CD4: variants seen among roughly 807,000 people sequenced by gnomAD.
The protein encoded by CD4 is CD4 molecule, also known as T-cell surface glycoprotein CD4.
A neutral mutation model predicts 50.5 loss-of-function variants in CD4; 25 were observed. The ratio of observed to expected loss-of-function variants is 0.49; its 90% CI spans 0.36 to 0.69. The LOEUF (loss-of-function observed/expected upper bound fraction) is 0.69. Among genes scored for constraint, CD4 ranks in the 30% least tolerant of loss-of-function variants. The probability of loss-of-function intolerance (pLI) is 0.00; values close to 1 mark genes in which losing one functional copy is unlikely to be tolerated. For synonymous variants in CD4, 207 were observed against 221.9 expected, an observed-to-expected ratio of 0.93 and a Z score of 0.60; for missense variants, 456 against 548.5, an observed-to-expected ratio of 0.83 and a Z score of 1.68.
rs200083525 is a variant in CD4 at position 6,818,377 on chromosome 12, C to G, written c.1157-44C>G. On this transcript the variant is annotated intron_variant, in intron 7 of 9. Coordinates refer to ENST00000011653, the MANE Select transcript of CD4 (RefSeq NM_000616.5). This position sits in a 1 kb window ranked among gnomAD's most constrained non-coding sequence, Gnocchi z 5.0. The stretch of plus-strand genomic sequence containing the variant: ...CAGGGCAGTCCTCAGTCCCCTGGCC[C>G]GTGGAGGAGGGCGGTGCATTGAGCA... 6.2e-7 allele frequency: 1 copy of G among 1,607,700 alleles called. No individual in the cohort carries two copies. Among genetic ancestry groups the G allele is most frequent in the South Asian group, 1.1e-5 (1 of 90,938 alleles).
At chr12:6,797,850 G>T (rs1052281152) in intron 1 of CD4, among the ~76,000 whole-genome samples, 1 of 152,146 alleles carries the variant, frequency 6.6e-6, no homozygotes, top group Non-Finnish European at 1.5e-5. Context: ...ATGTATGATC[G>T]GTTTTACACC....
chr12:6,816,918 T>C lies in CD4; in HGVS notation c.956-212T>C, dbSNP rs1245324216. On this transcript the variant is annotated intron_variant, in intron 6 of 9. Transcript: ENST00000011653. The surrounding 1 kb of genome is among the most constrained non-coding windows in gnomAD (Gnocchi z 4.9). ...GCCTTTAGTACTATCTGGGTGCAGG[T>C]TGTTAAGTCACTTGCCCAGAGACAC... Among the ~76,000 whole-genome samples the C allele has an allele frequency of 1.3e-5, 2 of 152,150 alleles. No homozygotes were observed. The highest frequency in any genetic ancestry group is 4.8e-5 in the African/African-American group (2 of 41,432).
Position 6,818,800 on chromosome 12 carries a change from T to C in CD4, c.1279-47T>C, listed in dbSNP as rs782152695. The C allele has an allele frequency of 4.5e-6, 7 of 1,543,230 alleles. No individual in the cohort carries two copies. In the South Asian group the frequency reaches 7.8e-5, roughly 17 times the overall value. ...TCCCCCCACCAAGGGGCACCTCCCT[T>C]CTGGAGGCCTGGGACCCTCGTGACT... On this transcript the variant is annotated intron_variant, in intron 8 of 9. Coordinates refer to ENST00000011653, the MANE Select transcript of CD4 (RefSeq NM_000616.5). The surrounding 1 kb of genome is among the most constrained non-coding windows in gnomAD (Gnocchi z 5.0).
rs1192679583 is a variant in CD4 at position 6,819,746 on chromosome 12, C to T, written c.*417C>T. ...GGACCACAGAGGGCAGGAACTTGCACAAAATCACACAGCCAAGCCAGTCAA... is the reference window on the plus strand; with the variant it reads ...GGACCACAGAGGGCAGGAACTTGCATAAAATCACACAGCCAAGCCAGTCAA... On this transcript the variant is annotated 3_prime_UTR_variant, in exon 10 of 10. Transcript: ENST00000011653. 2.2e-5 allele frequency: 4 copies of T among 185,580 alleles called. No individual in the cohort carries two copies. The highest frequency in any genetic ancestry group is 1.2e-4 in the Admixed American group (2 of 17,254). The allele number at this position is 185,580 out of a possible 1,614,324, so 11.5% of individuals were successfully genotyped here.
intron 3 of CD4, among the ~76,000 whole-genome samples, chr12:6,801,904 G>A (rs1189667586): frequency 2.1e-5 from 3 of 143,774 alleles, no homozygotes; most frequent in African/African-American, 2.6e-5. Context: ...GCAAACTCTC[G>A]ATCTGTTGCC....
At position 6,818,207 on chromosome 12, in the gene CD4, T is replaced by TTC. The variant is rs1210117768; in HGVS notation, c.1157-205_1157-204dup. Reference sequence around the variant, plus strand: ...CACAGCCCAGGAGCCAGACCACAGCTTCTCTCTCTCCAGAGTGCCCTGGAT... The same window carrying TTC: ...CACAGCCCAGGAGCCAGACCACAGCTTCTCTCTCTCTCCAGAGTGCCCTGGAT... On this transcript the variant is annotated intron_variant, in intron 7 of 9. Coordinates refer to ENST00000011653, the MANE Select transcript of CD4 (RefSeq NM_000616.5). This position sits in a 1 kb window ranked among gnomAD's most constrained non-coding sequence, Gnocchi z 5.0. Among the ~76,000 whole-genome samples the TTC allele has an allele frequency of 1.3e-5, 2 of 152,050 alleles. No individual in the cohort carries two copies. Among genetic ancestry groups the TTC allele is most frequent in the Non-Finnish European group, 2.9e-5 (2 of 68,004 alleles).
At position 6,818,532 on chromosome 12, in the gene CD4, G is replaced by A. The variant is rs782211194; in HGVS notation, c.1268G>A (p.Arg423Gln). 31 of 1,612,590 alleles carry A rather than the reference G, an allele frequency of 1.9e-5. No homozygotes were observed. The highest frequency in any genetic ancestry group is 2.2e-5 in the East Asian group (1 of 44,890). The change falls in exon 8 of 10, where the codon CGG becomes CAG. Residue 423 changes from arginine to glutamine, a missense_variant. Physicochemically the swap from Arg to Gln is conservative, Grantham distance 43 (BLOSUM62 1). Coordinates refer to ENST00000011653, the MANE Select transcript of CD4 (RefSeq NM_000616.5). The surrounding 1 kb of genome is among the most constrained non-coding windows in gnomAD (Gnocchi z 5.0). ...GGCATCTTCTTCTGTGTCAGGTGCC[G>A]GCACCGAAGGGTGAGTAACCCCACA... ...GLGIFFCVRC[R>Q]HRRRQAERMS...
chr12:6,795,133 T>TATCTATCTATC (rs1942334469), intron 1 of CD4, among the ~76,000 whole-genome samples: 1 of 152,034 alleles, frequency 6.6e-6, no homozygotes, highest in Non-Finnish European at 1.5e-5. Flanking sequence ...TCTATCTATC[T>TATCTATCTATC]ATCTAATCTA....
At chr12:6,801,533 C>G (rs1322153786) in intron 3 of CD4, among the ~76,000 whole-genome samples, 1 of 142,990 alleles carries the variant, frequency 7.0e-6, no homozygotes, top group Non-Finnish European at 1.5e-5. Context: ...AAAAAAAAAG[C>G]TGCANATTTA....
rs28919579 is a variant in CD4 at position 6,819,320 on chromosome 12, C to A, written c.1368C>A (p.Ser456Arg). 2.4e-5 allele frequency: 39 copies of A among 1,613,974 alleles called. No homozygotes were observed. The highest frequency in any genetic ancestry group is 3.1e-5 in the Non-Finnish European group (37 of 1,179,974). The change falls in exon 10 of 10, where the codon AGC becomes AGA. Residue 456 changes from serine (S) to arginine (R), a missense_variant. Physicochemically the swap from Ser to Arg is moderately radical, Grantham distance 110. Transcript: ENST00000011653. ...GCAGCCGGTTTCAGAAGACATGTAG[C>A]CCCATTTGAGGCACGAGGCCAGGCA... ...QCPHRFQKTC[S>R]PI
rs11833703 is a variant in CD4 at position 6,812,620 on chromosome 12, G to A, written c.215-1522G>A. On this transcript the variant is annotated intron_variant, in intron 3 of 9. Coordinates refer to ENST00000011653, the MANE Select transcript of CD4 (RefSeq NM_000616.5). ...CTTGAACCCGGGAGGCGGAGGTTGCGGTGAGCCAAGATCATGCCATTGCAC... is the reference window on the plus strand; with the variant it reads ...CTTGAACCCGGGAGGCGGAGGTTGCAGTGAGCCAAGATCATGCCATTGCAC... 9.4e-3 allele frequency among the ~76,000 whole-genome samples: 1,426 copies of A among 152,016 alleles called. 21 individuals carry two copies. Among genetic ancestry groups the A allele is most frequent in the African/African-American group, 0.032 (1,327 of 41,428 alleles).
rs59122472 is a variant in CD4, at chr12:6,805,563, G to GAA, written c.214+5104_214+5105dup. Among the ~76,000 whole-genome samples, 260 of 140,782 alleles carry GAA rather than the reference G, an allele frequency of 1.8e-3. 28 individuals carry two copies. The highest frequency in any genetic ancestry group is 2.2e-3 in the Admixed American group (31 of 14,100). The allele number at this position is 140,782 out of a possible 152,430, so 92.4% of individuals were successfully genotyped here. Reference sequence around the variant, plus strand: ...GCAACAGAGTAAGAGTCTGTCTCCCGAAAAAAAAAAAAAGAAAAAAGAAAG... The same window carrying GAA: ...GCAACAGAGTAAGAGTCTGTCTCCCGAAAAAAAAAAAAAAAGAAAAAAGAAAG... On this transcript the variant is annotated intron_variant, in intron 3 of 9. Coordinates refer to ENST00000011653, the MANE Select transcript of CD4 (RefSeq NM_000616.5).
intron 3 of CD4, among the ~76,000 whole-genome samples, chr12:6,800,860 A>T (rs782544836): frequency 6.6e-6 from 1 of 151,844 alleles, no homozygotes; most frequent in Non-Finnish European, 1.5e-5. Context: ...GGAGTTCAAG[A>T]CCAGCCTGAA....
At position 6,793,166 on chromosome 12, in the gene CD4, C is replaced by A. The variant is rs113147437; in HGVS notation, c.-68+3504C>A. 1.1e-4 allele frequency among the ~76,000 whole-genome samples: 17 copies of A among 152,198 alleles called. 1 individual carries two copies. Among genetic ancestry groups the A allele is most frequent in the African/African-American group, 4.1e-4 (17 of 41,524 alleles). On this transcript the variant is annotated intron_variant, in intron 1 of 9. Transcript: ENST00000011653. ...GCACCAAAGCAAGCATGCTGGAAAC[C>A]CACAGCCTCCTCCACTTAGCAGAGC...
chr12:6,798,239 G>T (rs1256907452), intron 1 of CD4, among the ~76,000 whole-genome samples: 2 of 84,114 alleles, frequency 2.4e-5, no homozygotes, highest in South Asian at 4.9e-4. Flanking sequence ...GCGCGATCTC[G>T]GCTCACTGCC....
intron 1 of CD4, among the ~76,000 whole-genome samples, chr12:6,793,970 A>ATATCTATC (rs35782413): frequency 0.28 from 36,983 of 133,548 alleles, 5,000 homozygotes; most frequent in Admixed American, 0.33. Context: ...CTATCTATCT[A>ATATCTATC]TATCTATCTA....
rs2137860455 is a variant in CD4 at position 6,800,531 on chromosome 12, G to A, written c.214+60G>A. On this transcript the variant is annotated intron_variant, in intron 3 of 9. Transcript: ENST00000011653. The stretch of plus-strand genomic sequence containing the variant: ...ACACACTATGGAGTGAAAGCCTTTG[G>A]TGTCTGAGATCTGGTCTTAGTTAAA... 5 of 1,453,322 alleles carry A rather than the reference G, an allele frequency of 3.4e-6. No homozygotes were observed. The South Asian group carries it at 5.2e-5, about 15-fold the overall frequency. 90.0% of individuals were successfully genotyped at this position (1,453,322 alleles called of 1,614,324 possible).
At chr12:6,795,098 C>CTCTATCTATCTATCTA (rs10667545) in intron 1 of CD4, among the ~76,000 whole-genome samples, 1,649 of 147,208 alleles carry the variant, frequency 0.011, 20 homozygotes, top group Middle Eastern at 0.014. Context: ...AAATGTCTGT[C>CTCTATCTATCTATCTA]TCTATCTATC....
intron 1 of CD4, among the ~76,000 whole-genome samples, chr12:6,791,723 C>T (rs2137826157): frequency 6.6e-6 from 1 of 152,222 alleles, no homozygotes; most frequent in Non-Finnish European, 1.5e-5. Flanking sequence ...CTCTACAAAC[C>T]CCACAAAAGT....
Sources: allele counts gnomAD v4.1 joint callset (sites outside exome capture counted in the v4.1 genomes callset), GRCh38; gene constraint gnomAD v4.1.1; non-coding constraint Gnocchi (gnomAD v3.1); transcripts MANE v1.5; gene names NCBI Gene and HGNC (gene_info 2026-07-23, HGNC 2026-07-21).